The following BMP5 variants were observed in gnomAD, a reference collection of about 807,000 sequenced individuals.
BMP5 encodes bone morphogenetic protein 5.
BMP5 carries 23 observed loss-of-function variants against 46.6 expected under a neutral mutation model. The observed-to-expected ratio is 0.49, with a 90% CI of 0.35 to 0.70. BMP5 has a LOEUF of 0.70. Among genes scored for constraint, BMP5 ranks in the 30% least tolerant of loss-of-function variants. The pLI is 0.00. For missense variants in BMP5, 545 were observed against 565.6 expected (o/e 0.96, Z 0.37); for synonymous variants, 204 against 191.9 (o/e 1.06, Z -0.52).
chr6:55,788,868 G>A (rs541083627), intron 3 of BMP5, among the ~76,000 whole-genome samples: 1 of 151,788 alleles, frequency 6.6e-6, no homozygotes, highest in East Asian at 1.9e-4. Flanking sequence ...TAAATTCTAA[G>A]TTACTGTAAG....
intron 3 of BMP5, among the ~76,000 whole-genome samples, chr6:55,774,926 T>G (rs1260919349): frequency 6.6e-6 from 1 of 151,916 alleles, no homozygotes; most frequent in African/African-American, 2.4e-5. Context: ...AACATAGAAA[T>G]TTTGGAATTC....
chr6:55,787,113 C>G (rs531396189), intron 3 of BMP5, among the ~76,000 whole-genome samples: 122 of 151,640 alleles, frequency 8.0e-4, no homozygotes, highest in Non-Finnish European at 7.2e-4. Context: ...ATTCAGATTA[C>G]CCAGCCATAT....
intron 6 of BMP5, among the ~76,000 whole-genome samples, chr6:55,756,560 A>T (rs3798847): frequency 0.1 from 15,703 of 151,992 alleles, 1,026 homozygotes; most frequent in East Asian, 0.2. Context: ...CCCTTCCCCC[A>T]GAGGAGTTTA....
At chr6:55,847,465 C>T (rs1301608006) in intron 1 of BMP5, among the ~76,000 whole-genome samples, 1 of 151,898 alleles carries the variant, frequency 6.6e-6, no homozygotes, top group Non-Finnish European at 1.5e-5. Flanking sequence ...TTTACACCAC[C>T]AGGAATGCAA....
At chr6:55,855,161 C>T (rs60812079) in intron 1 of BMP5, among the ~76,000 whole-genome samples, 1,762 of 152,060 alleles carry the variant, frequency 0.012, 37 homozygotes, top group African/African-American at 0.039. Flanking sequence ...TAATGAGGTG[C>T]GTGGGGCATG....
At chr6:55,829,648 T>C (rs1240684322) in intron 1 of BMP5, among the ~76,000 whole-genome samples, 1 of 151,896 alleles carries the variant, frequency 6.6e-6, no homozygotes, top group East Asian at 1.9e-4. Flanking sequence ...ATCTCTATAA[T>C]TCTTTAATGA....
intron 2 of BMP5, among the ~76,000 whole-genome samples, chr6:55,811,045 G>A (rs1170275510): frequency 6.6e-6 from 1 of 152,180 alleles, no homozygotes; most frequent in East Asian, 1.9e-4. Context: ...AGCTATGCTT[G>A]TGTACCGTTC....
At chr6:55,805,354 T>G (rs1216576996) in intron 2 of BMP5, among the ~76,000 whole-genome samples, 1 of 152,154 alleles carries the variant, frequency 6.6e-6, no homozygotes, top group African/African-American at 2.4e-5. Context: ...ATCAAAGTTT[T>G]AAGCCCCACA....
At chr6:55,757,960 C>A (rs1353040650) in intron 6 of BMP5, among the ~76,000 whole-genome samples, 1 of 151,864 alleles carries the variant, frequency 6.6e-6, no homozygotes, top group Non-Finnish European at 1.5e-5. Flanking sequence ...ATTGTTTATT[C>A]CTTAATTCAG....
intron 1 of BMP5, among the ~76,000 whole-genome samples, chr6:55,829,206 C>T (rs905960449): frequency 9.2e-5 from 14 of 151,804 alleles, no homozygotes; most frequent in Admixed American, 2.6e-4. Context: ...ATGTCTCCCC[C>T]GGTAGATTGT....
intron 1 of BMP5, among the ~76,000 whole-genome samples, chr6:55,871,966 T>C (rs1016388744): frequency 5.3e-5 from 8 of 151,782 alleles, no homozygotes; most frequent in African/African-American, 1.9e-4. Context: ...TTTAGTCTTA[T>C]AAGAACATGA....
chr6:55,775,552 T>G (rs1477876667), intron 3 of BMP5, among the ~76,000 whole-genome samples: 1 of 151,962 alleles, frequency 6.6e-6, no homozygotes, highest in Non-Finnish European at 1.5e-5. Flanking sequence ...TAGCAATCTT[T>G]TAAGAGTAAC....
intron 2 of BMP5, 95 bp downstream of exon 2, chr6:55,819,560 A>T: frequency 9.5e-7 from 1 of 1,049,050 alleles, no homozygotes; most frequent in East Asian, 2.6e-5. Flanking sequence ...CCCCAAAAAA[A>T]TAATTTGTTT....
At chr6:55,794,233 GT>G (rs1775650633) in intron 3 of BMP5, 45 bp downstream of exon 3, 3 of 1,604,610 alleles carry the variant, frequency 1.9e-6, no homozygotes, top group Non-Finnish European at 1.7e-6. Context: ...AACTCTCAAT[GT>G]GTCAAACAAG....
intron 2 of BMP5, among the ~76,000 whole-genome samples, chr6:55,807,234 AT>A (rs574745626): frequency 1.3e-5 from 2 of 152,000 alleles, no homozygotes; most frequent in African/African-American, 4.8e-5. Context: ...TTATTTTGAG[AT>A]TTTTTCATCA....
chr6:55,774,185 T>C lies in BMP5; in HGVS notation c.891A>G (p.Lys297=), dbSNP rs1775115407. The C allele has an allele frequency of 6.2e-7, 1 of 1,612,998 alleles. No homozygotes were observed. The highest frequency in any genetic ancestry group is 1.7e-5 in the Admixed American group (1 of 59,856). The change falls in exon 4 of 7, where the codon AAA becomes AAG. Residue 297 remains lysine, a synonymous_variant. Coordinates refer to ENST00000370830, the MANE Select transcript of BMP5 (RefSeq NM_021073.4). The part of the protein sequence containing the change: ...GLVGRQGPQS[K]QPFMVAFFKA... ...TGAAGAAGGCCACCATGAATGGTTG[T>C]TTTGACTGAGGTCCCTGTCTTCCCA...
In BMP5 at chr6:55,755,533, T is replaced by G; in HGVS notation, c.1365A>C (p.Ter455TyrextTer2). 6.2e-7 allele frequency: 1 copy of G among 1,607,548 alleles called. No homozygotes were observed. Among genetic ancestry groups the G allele is most frequent in the Non-Finnish European group, 8.5e-7 (1 of 1,174,956 alleles). ...NMVVRSCGCH[*>Y] ...TTGTTATTATCAATATTATTTAATA[T>G]TAGTGGCAGCCACATGAGCGTACTA... The change falls in exon 7 of 7, where the codon TAA becomes TAC. Residue 455 changes from the stop codon to tyrosine (Y), a stop_lost. Transcript: ENST00000370830.
chr6:55,819,530 T>C, intron 2 of BMP5, 125 bp downstream of exon 2: 1 of 797,454 alleles, frequency 1.3e-6, no homozygotes, highest in South Asian at 1.7e-5. Flanking sequence ...TCTACCTGGC[T>C]CTAAATGTTA....
At chr6:55,862,439 C>A (rs1223719354) in intron 1 of BMP5, among the ~76,000 whole-genome samples, 3 of 152,106 alleles carry the variant, frequency 2.0e-5, no homozygotes, top group Non-Finnish European at 4.4e-5. Flanking sequence ...ACTATTATAT[C>A]CTGAAACTAC....
Sources: allele counts gnomAD v4.1 joint callset (sites outside exome capture counted in the v4.1 genomes callset), GRCh38; gene constraint gnomAD v4.1.1; transcripts MANE v1.5; gene names NCBI Gene and HGNC (gene_info 2026-07-23, HGNC 2026-07-21).